DIPK1A: variants seen among roughly 807,000 people sequenced by gnomAD.
DIPK1A encodes divergent protein kinase domain 1A.
A neutral mutation model predicts 40.8 loss-of-function variants in DIPK1A; 27 were observed. That is an observed-to-expected ratio of 0.66 (90% CI 0.49 to 0.91). The LOEUF is 0.91. DIPK1A is among the 40% of genes least tolerant of loss of function. DIPK1A has a pLI of 0.00. For missense variants in DIPK1A, 412 were observed against 505.7 expected (o/e 0.81, Z 1.78); for synonymous variants, 166 against 171.3 (o/e 0.97, Z 0.24).
At chr1:92,841,817 A>G (rs376641112), downstream of DIPK1A, 85 of 1,611,870 alleles carry the variant, frequency 5.3e-5, 1 homozygote, top group South Asian at 8.2e-4. Flanking sequence ...GGGTAGCTCA[A>G]AAGAAGGCAA....
chr1:92,959,394 A>T (rs1003452400), intron 1 of DIPK1A, among the ~76,000 whole-genome samples: 2 of 151,424 alleles, frequency 1.3e-5, no homozygotes, highest in African/African-American at 4.9e-5. Flanking sequence ...GGCATATGAC[A>T]GTTCATTATT....
intron 1 of DIPK1A, among the ~76,000 whole-genome samples, chr1:92,924,389 GTATCCT>G (rs1650398768): frequency 6.6e-6 from 1 of 151,904 alleles, no homozygotes; most frequent in African/African-American, 2.4e-5. Flanking sequence ...TTTGAGAATG[GTATCCT>G]TGCCTGTGTA....
At chr1:92,957,253 A>G (rs1042517865) in intron 1 of DIPK1A, among the ~76,000 whole-genome samples, 1 of 152,184 alleles carries the variant, frequency 6.6e-6, no homozygotes, top group Non-Finnish European at 1.5e-5. Context: ...GGGTTATCAC[A>G]CCCAAGCAGG....
At position 92,833,380 on chromosome 1, in the gene DIPK1A, T is replaced by C. The variant is rs943313650; in HGVS notation, c.475-346A>G. 4 of 1,603,662 alleles carry C rather than the reference T, an allele frequency of 2.5e-6. No homozygotes were observed. The highest frequency in any genetic ancestry group is 3.4e-4 in the Middle Eastern group (2 of 5,928). ...ATCAAAGTTTTAATAACATTCTTTT[T>C]TCTTTAAGGGGTTTGTTAAAGTTGT... On this transcript the variant is annotated intron_variant, in intron 4 of 4. Coordinates refer to the DIPK1A transcript ENST00000615519.
intron 1 of DIPK1A, among the ~76,000 whole-genome samples, chr1:92,942,034 C>A (rs979236215): frequency 6.6e-6 from 1 of 151,260 alleles, no homozygotes; most frequent in African/African-American, 2.4e-5. Flanking sequence ...CACAGCAACA[C>A]CGCCAGCACA....
chr1:92,929,027 A>G (rs1650635873), intron 1 of DIPK1A, among the ~76,000 whole-genome samples: 1 of 152,158 alleles, frequency 6.6e-6, no homozygotes, highest in African/African-American at 2.4e-5. Context: ...TACTTGTTCA[A>G]TTACTATACA....
At position 92,865,041 on chromosome 1, in the gene DIPK1A, C is replaced by CAAA. The variant is rs56735279; in HGVS notation, c.189+11252_189+11254dup. The stretch of plus-strand genomic sequence containing the variant: ...TGGGCTACAGAGTGAGACTCCGTCT[C>CAAA]AAAAAAAAAAAAAAAAAAAAAGATA... On this transcript the variant is annotated intron_variant, in intron 2 of 4. Coordinates refer to ENST00000370310, the MANE Select transcript of DIPK1A (RefSeq NM_001006605.5). Among the ~76,000 whole-genome samples the CAAA allele has an allele frequency of 6.5e-3, 450 of 69,622 alleles. 10 individuals are homozygous for CAAA. The highest frequency in any genetic ancestry group is 0.011 in the East Asian group (21 of 1,928). 45.7% of individuals were successfully genotyped at this position (69,622 alleles called of 152,430 possible).
At chr1:92,947,728 G>A (rs1010909925) in intron 1 of DIPK1A, among the ~76,000 whole-genome samples, 5 of 152,202 alleles carry the variant, frequency 3.3e-5, no homozygotes, top group Non-Finnish European at 5.9e-5. Flanking sequence ...AGAAAACAAT[G>A]AAATCTTGTC....
At chr1:92,888,188 C>T (rs1648700575) in intron 1 of DIPK1A, among the ~76,000 whole-genome samples, 1 of 152,032 alleles carries the variant, frequency 6.6e-6, no homozygotes, top group African/African-American at 2.4e-5. Flanking sequence ...TATTGCCCTC[C>T]TCCCCTTACC....
In DIPK1A at chr1:92,843,159, T is replaced by C; in HGVS notation, c.*224A>G. 7.8e-7 allele frequency: 1 copy of C among 1,278,810 alleles called. No homozygotes were observed. Among genetic ancestry groups the C allele is most frequent in the South Asian group, 2.2e-5 (1 of 45,182 alleles). The allele number at this position is 1,278,810 out of a possible 1,614,324, so 79.2% of individuals were successfully genotyped here. On this transcript the variant is annotated 3_prime_UTR_variant, in exon 5 of 5. Transcript: ENST00000370310. Reference sequence around the variant, plus strand: ...CAAAATAGTTACACAATGAATGTACTTCGGAGATGTAACAGGGCTTCTAAA... The same window carrying C: ...CAAAATAGTTACACAATGAATGTACCTCGGAGATGTAACAGGGCTTCTAAA...
intron 1 of DIPK1A, among the ~76,000 whole-genome samples, chr1:92,946,765 A>C (rs1651381689): frequency 1.3e-5 from 2 of 152,126 alleles, no homozygotes; most frequent in Admixed American, 6.5e-5. Flanking sequence ...CAACATGGTG[A>C]AACCCTGCCT....
At chr1:92,890,389 G>T (rs960417275) in intron 1 of DIPK1A, among the ~76,000 whole-genome samples, 1 of 152,158 alleles carries the variant, frequency 6.6e-6, no homozygotes, top group African/African-American at 2.4e-5. Context: ...TCCTGGTCTT[G>T]TTCCAGATCT....
At chr1:92,845,376 T>G (rs1215024056) in intron 4 of DIPK1A, 1 of 165,422 alleles carries the variant, frequency 6.0e-6, no homozygotes, top group Non-Finnish European at 1.3e-5. Flanking sequence ...AACTACAAAT[T>G]TATGGGATAC....
At chr1:92,868,154 G>A (rs1473358828) in intron 2 of DIPK1A, among the ~76,000 whole-genome samples, 1 of 152,146 alleles carries the variant, frequency 6.6e-6, no homozygotes, top group Non-Finnish European at 1.5e-5. Flanking sequence ...GTTAAAGCAA[G>A]CCAATGAAAT....
At chr1:92,899,889 G>A (rs1257174957) in intron 1 of DIPK1A, among the ~76,000 whole-genome samples, 1 of 151,658 alleles carries the variant, frequency 6.6e-6, no homozygotes, top group Non-Finnish European at 1.5e-5. Flanking sequence ...ATTTCTGAAG[G>A]ATAGCTTTGC....
chr1:92,945,052 C>T (rs1651308299), intron 1 of DIPK1A, among the ~76,000 whole-genome samples: 1 of 152,052 alleles, frequency 6.6e-6, no homozygotes. Flanking sequence ...AGAACAGTGA[C>T]ACCAACCAAT....
intron 1 of DIPK1A, among the ~76,000 whole-genome samples, chr1:92,903,015 G>A (rs907302550): frequency 7.2e-5 from 11 of 152,186 alleles, no homozygotes; most frequent in African/African-American, 2.4e-4. Flanking sequence ...GGTATGCATT[G>A]CAGTTTTAAA....
At chr1:92,928,248 T>G (rs541650572) in intron 1 of DIPK1A, among the ~76,000 whole-genome samples, 13 of 152,340 alleles carry the variant, frequency 8.5e-5, no homozygotes, top group African/African-American at 3.1e-4. Flanking sequence ...AAAATATACA[T>G]CCATAACTAA....
chr1:92,879,707 G>C (rs958843653), intron 1 of DIPK1A, among the ~76,000 whole-genome samples: 13 of 152,170 alleles, frequency 8.5e-5, no homozygotes, highest in African/African-American at 3.1e-4. Context: ...TAAAAATAAT[G>C]ATTGAAGAAA....
Sources: allele counts gnomAD v4.1 joint callset (sites outside exome capture counted in the v4.1 genomes callset), GRCh38; gene constraint gnomAD v4.1.1; transcripts MANE v1.5; gene names NCBI Gene and HGNC (gene_info 2026-07-23, HGNC 2026-07-21).